The following EPHA4 variants were observed in gnomAD, a reference collection of about 807,000 sequenced individuals.
EPHA4 encodes ephrin type-A receptor 4.
EPHA4 carries 19 observed loss-of-function variants against 108.3 expected under a neutral mutation model. The ratio of observed to expected loss-of-function variants is 0.18; its 90% confidence interval spans 0.12 to 0.26. The LOEUF is 0.26. EPHA4 is among the 10% of genes least tolerant of loss of function. The pLI, the probability that EPHA4 is intolerant of heterozygous loss-of-function variation, is 1.00. For synonymous variants in EPHA4, 449 were observed against 455.5 expected (o/e 0.99, Z 0.18); for missense variants, 917 against 1,254.0 (o/e 0.73, Z 4.06).
At chr2:221,486,597 G>T (rs1691980293) in intron 4 of EPHA4, among the ~76,000 whole-genome samples, 1 of 151,930 alleles carries the variant, frequency 6.6e-6, no homozygotes, top group Non-Finnish European at 1.5e-5. Flanking sequence ...AGCCAGGTGT[G>T]CTGGCACACG....
chr2:221,422,221 C>T (rs372950411), intron 17 of EPHA4, among the ~76,000 whole-genome samples: 10 of 152,258 alleles, frequency 6.6e-5, no homozygotes, highest in South Asian at 4.1e-4. Context: ...CTCTGGAAAT[C>T]GGTCAAATCC....
chr2:221,564,586 T>G (rs1036615391), intron 2 of EPHA4, among the ~76,000 whole-genome samples, 192 bp from the exon 3 acceptor site: 1 of 152,134 alleles, frequency 6.6e-6, no homozygotes, highest in African/African-American at 2.4e-5. Flanking sequence ...GTTTTTTTTT[T>G]GTTTGTTTAA....
At chr2:221,463,524 TA>T (rs1287729915) in intron 5 of EPHA4, among the ~76,000 whole-genome samples, 3 of 152,164 alleles carry the variant, frequency 2.0e-5, no homozygotes, top group Non-Finnish European at 2.9e-5. Flanking sequence ...CAGCACAGAT[TA>T]GGGGGCTCTA....
chr2:221,573,364 C>G (rs1352951972), upstream of EPHA4: 1 of 152,264 alleles, frequency 6.6e-6, no homozygotes, highest in Non-Finnish European at 1.5e-5. The surrounding 1 kb of genome is among the most constrained non-coding windows in gnomAD (Gnocchi z 4.5). Flanking sequence ...TGCTCCGGCC[C>G]CGGGGGCACT....
intron 3 of EPHA4, among the ~76,000 whole-genome samples, chr2:221,552,392 C>T (rs1481513509): frequency 1.3e-5 from 2 of 152,126 alleles, no homozygotes; most frequent in East Asian, 1.9e-4. Context: ...AAATGGCCAG[C>T]GGAGAAGCGA....
At chr2:221,508,180 A>AT (rs1170882421) in intron 3 of EPHA4, among the ~76,000 whole-genome samples, 2 of 152,178 alleles carry the variant, frequency 1.3e-5, no homozygotes, top group Admixed American at 1.3e-4. Context: ...AAACCACCTC[A>AT]TCCTTTCTCT....
intron 10 of EPHA4, 27 bp downstream of exon 10, chr2:221,443,466 T>C: frequency 6.5e-7 from 1 of 1,526,810 alleles, no homozygotes; most frequent in Non-Finnish European, 9.1e-7. Context: ...AACAGACTCA[T>C]TAGCAGACGG....
chr2:221,441,968 C>G (rs1015084193), intron 11 of EPHA4, among the ~76,000 whole-genome samples: 4 of 152,234 alleles, frequency 2.6e-5, no homozygotes, highest in South Asian at 4.1e-4. Context: ...ACTGCTCCCC[C>G]ACACTGGGGT....
intron 3 of EPHA4, among the ~76,000 whole-genome samples, chr2:221,507,293 C>T (rs1238262595): frequency 6.6e-6 from 1 of 152,144 alleles, no homozygotes; most frequent in African/African-American, 2.4e-5. Context: ...AACTTTTCAT[C>T]AACTGTCTTA....
At chr2:221,437,161 G>A (rs1195134079) in intron 11 of EPHA4, 39 bp from the exon 12 acceptor site, 5 of 1,459,150 alleles carry the variant, frequency 3.4e-6, no homozygotes, top group Non-Finnish European at 4.8e-6. Flanking sequence ...CCTTTGATGA[G>A]CGCTGCACTT....
chr2:221,566,435 A>G (rs982580402), intron 2 of EPHA4, among the ~76,000 whole-genome samples: 1 of 152,120 alleles, frequency 6.6e-6, no homozygotes, highest in Admixed American at 6.5e-5. Flanking sequence ...CAGATACCCA[A>G]TTCATTCCTT....
chr2:221,486,937 C>T (rs182570092), intron 4 of EPHA4, among the ~76,000 whole-genome samples: 15 of 152,088 alleles, frequency 9.9e-5, no homozygotes, highest in Non-Finnish European at 1.6e-4. Context: ...CAGCCTTCTC[C>T]GAGCCAAAGC....
chr2:221,509,814 G>A (rs1382799246), intron 3 of EPHA4, among the ~76,000 whole-genome samples: 2 of 152,166 alleles, frequency 1.3e-5, no homozygotes, highest in Admixed American at 1.3e-4. Flanking sequence ...TCACTGTCTG[G>A]TGGTCTCTTT....
chr2:221,433,718 T>G lies in EPHA4; in HGVS notation c.2496+424A>C, dbSNP rs114141773. 3.3e-4 allele frequency among the ~76,000 whole-genome samples: 50 copies of G among 152,348 alleles called. 1 individual carries two copies. The highest frequency in any genetic ancestry group is 5.6e-4 in the Non-Finnish European group (38 of 68,032). On this transcript the variant is annotated intron_variant, in intron 14 of 17. Transcript: ENST00000281821. ...AGAGTCCTCAAGGGGTGAGCTCTAA[T>G]TACAACGATGCCAGCTTTAAAATAT...
intron 8 of EPHA4, among the ~76,000 whole-genome samples, chr2:221,454,003 C>T (rs772368378): frequency 7.9e-5 from 12 of 152,016 alleles, no homozygotes; most frequent in African/African-American, 2.2e-4. Flanking sequence ...ATGGTGAAAC[C>T]GTGTCTCTAC....
chr2:221,503,266 C>T (rs570702845), intron 3 of EPHA4, among the ~76,000 whole-genome samples: 136 of 152,158 alleles, frequency 8.9e-4, no homozygotes, highest in African/African-American at 3.1e-3. Context: ...TCTCATGCAC[C>T]CCTCAATTTC....
chr2:221,432,529 T>C (rs1690109619), intron 14 of EPHA4, among the ~76,000 whole-genome samples: 1 of 152,228 alleles, frequency 6.6e-6, no homozygotes, highest in Non-Finnish European at 1.5e-5. Context: ...GAATCTTCTG[T>C]TATAATCCAC....
intron 5 of EPHA4, among the ~76,000 whole-genome samples, chr2:221,459,304 A>C (rs1174612997): frequency 8.9e-6 from 1 of 112,248 alleles, no homozygotes; most frequent in African/African-American, 2.8e-5. Flanking sequence ...ACACACACAC[A>C]CACACCCCTC....
Position 221,455,699 on chromosome 2 carries a change from C to T in EPHA4, c.1604-41G>A, listed in dbSNP as rs755229823. The T allele has an allele frequency of 6.6e-5, 99 of 1,499,930 alleles. 1 individual carries two copies. The South Asian group carries it at 1.1e-3, about 17-fold the overall frequency. The allele number at this position is 1,499,930 out of a possible 1,614,324, so 92.9% of individuals were successfully genotyped here. ...GCATAAGGGTCACCTTTGGGAAAGT[C>T]TTAGGAGGTAGAACTTCTGAATGGG... On this transcript the variant is annotated intron_variant, in intron 7 of 17. Transcript: ENST00000281821.
Sources: gnomAD v4.1 joint callset for allele counts (sites outside exome capture counted in the v4.1 genomes callset) on GRCh38, gnomAD v4.1.1 for gene constraint, Gnocchi (gnomAD v3.1) non-coding constraint, MANE v1.5 for transcripts, NCBI Gene and HGNC (gene_info 2026-07-23, HGNC 2026-07-21) for gene names.